The following KIAA0513 variants were observed in gnomAD, a reference collection of about 807,000 sequenced individuals.
The protein encoded by KIAA0513 is uncharacterized protein KIAA0513.
Under a neutral mutation model 56.5 loss-of-function variants are expected in KIAA0513, and 39 were observed. That is an observed-to-expected ratio of 0.69 (90% CI 0.53 to 0.90). The LOEUF (loss-of-function observed/expected upper bound fraction) is 0.90, where lower values mean the gene tolerates loss of function less well. Ranked by LOEUF, KIAA0513 falls within the 40% of genes least tolerant of loss-of-function variation. KIAA0513 has a pLI of 0.00. For missense variants in KIAA0513, 591 were observed against 535.2 expected (o/e 1.10, Z -1.03); for synonymous variants, 268 against 215.6 (o/e 1.24, Z -2.13).
Position 85,081,073 on chromosome 16 carries a change from C to A in KIAA0513, c.903-242C>A, listed in dbSNP as rs968688331. 6.6e-6 allele frequency among the ~76,000 whole-genome samples: 1 copy of A among 152,246 alleles called. No individual in the cohort carries two copies. Among genetic ancestry groups the A allele is most frequent in the African/African-American group, 2.4e-5 (1 of 41,464 alleles). On this transcript the variant is annotated intron_variant, in intron 8 of 12. Coordinates refer to ENST00000683363, the MANE Select transcript of KIAA0513 (RefSeq NM_001388359.1). The surrounding 1 kb of genome is among the most constrained non-coding windows in gnomAD (Gnocchi z 4.4). ...TGCAGCGCAGCCCGGGTTATCATAG[C>A]TTTCCCTCCCACTTGCGCCATCTCT...
At chr16:85,078,135 C>T (rs1210001508) in intron 6 of KIAA0513, among the ~76,000 whole-genome samples, 2 of 152,184 alleles carry the variant, frequency 1.3e-5, no homozygotes, top group Non-Finnish European at 2.9e-5. Context: ...GTCCCCTGTT[C>T]CCACTCATGG....
At chr16:85,057,494 C>G (rs1188763254) in intron 1 of KIAA0513, among the ~76,000 whole-genome samples, 2 of 152,228 alleles carry the variant, frequency 1.3e-5, no homozygotes, top group African/African-American at 4.8e-5. Flanking sequence ...GATGCAGCCC[C>G]TTTGGGTGGA....
intron 1 of KIAA0513, among the ~76,000 whole-genome samples, chr16:85,043,493 C>T (rs2073130451): frequency 6.7e-6 from 1 of 149,140 alleles, no homozygotes; most frequent in Non-Finnish European, 1.5e-5. Flanking sequence ...CTCACTGCAA[C>T]CTCTGCCTCC....
intron 2 of KIAA0513, 104 bp downstream of exon 2, chr16:85,067,504 C>G: frequency 1.1e-6 from 1 of 888,010 alleles, no homozygotes; most frequent in Non-Finnish European, 1.7e-6. Flanking sequence ...CACCTGGGAC[C>G]AGAGCTTCCA....
rs762593013 is a variant in KIAA0513, at chr16:85,077,536, G to A, written c.686G>A (p.Arg229Gln). The A allele has an allele frequency of 1.5e-5, 25 of 1,614,060 alleles. No homozygotes were observed. Among genetic ancestry groups the A allele is most frequent in the South Asian group, 8.8e-5 (8 of 91,094 alleles). ...WLAEKKDIAE[R>Q]LLKNTSARTE... ...GCCGAAAAGAAGGACATCGCCGAGC[G>A]GCTGCTGAAGAACACCTCGGCCAGG... Residue 229 changes from arginine to glutamine, a missense_variant, in exon 6 of 13, where the codon CGG becomes CAG. By Grantham distance (43) the Arg-to-Gln change is conservative. Transcript: ENST00000683363.
intron 4 of KIAA0513, among the ~76,000 whole-genome samples, chr16:85,073,361 A>G (rs1017356780): frequency 1.3e-5 from 2 of 151,840 alleles, no homozygotes; most frequent in African/African-American, 4.8e-5. Flanking sequence ...TCAACCACCC[A>G]CCCCACTAGC....
chr16:85,081,202 T>C lies in KIAA0513; in HGVS notation c.903-113T>C. 1.1e-6 allele frequency: 1 copy of C among 945,484 alleles called. No homozygotes were observed. The highest frequency in any genetic ancestry group is 2.4e-5 in the East Asian group (1 of 41,212). 58.6% of individuals were successfully genotyped at this position (945,484 alleles called of 1,614,324 possible). ...TCAGCCCTACCTCTCTGAGACTTCT[T>C]AGAAGCTCAGACAGATGTGAGACAC... On this transcript the variant is annotated intron_variant, in intron 8 of 12. Coordinates refer to ENST00000683363, the MANE Select transcript of KIAA0513 (RefSeq NM_001388359.1). The surrounding 1 kb of genome is among the most constrained non-coding windows in gnomAD (Gnocchi z 4.4).
intron 10 of KIAA0513, among the ~76,000 whole-genome samples, chr16:85,083,397 A>G (rs3794682): frequency 0.57 from 85,955 of 152,070 alleles, 24,875 homozygotes; most frequent in African/African-American, 0.69. Context: ...GTTTATTGTC[A>G]TGAGCAATCG....
At chr16:85,038,257 T>C (rs931989192) in intron 1 of KIAA0513, among the ~76,000 whole-genome samples, 5 of 152,334 alleles carry the variant, frequency 3.3e-5, no homozygotes, top group East Asian at 1.9e-4. Context: ...CTCTGGATCA[T>C]AGTGACCTCC....
chr16:85,078,361 T>A, intron 6 of KIAA0513, 54 bp from the exon 7 acceptor site: 1 of 1,582,294 alleles, frequency 6.3e-7, no homozygotes, highest in South Asian at 1.1e-5. Context: ...GTCTTTGAGT[T>A]GAGAAAGTGT....
intron 7 of KIAA0513, 143 bp downstream of exon 7, chr16:85,078,598 G>T: frequency 1.3e-6 from 1 of 763,456 alleles, no homozygotes; most frequent in Non-Finnish European, 2.1e-6. Flanking sequence ...TTGCTTCCCA[G>T]CTCCCGTGGT....
At chr16:85,078,715 A>C (rs1306209346) in intron 7 of KIAA0513, among the ~76,000 whole-genome samples, 1 of 152,224 alleles carries the variant, frequency 6.6e-6, no homozygotes, top group Non-Finnish European at 1.5e-5. Context: ...TGGCCATGCT[A>C]CGGAACCATC....
intron 1 of KIAA0513, among the ~76,000 whole-genome samples, chr16:85,039,554 T>C (rs1371611299): frequency 6.6e-6 from 1 of 152,238 alleles, no homozygotes; most frequent in Non-Finnish European, 1.5e-5. Flanking sequence ...TACTCCCACC[T>C]CAGCCTCCTG....
rs371047411 is a variant in KIAA0513 at position 85,067,081 on chromosome 16, C to T, written c.10C>T (p.Pro4Ser). MET[P>S]EVPVGSLIDF... is the part of the protein sequence containing the mutation. ...GCAGCTCCCCTGAGCCATGGAGACC[C>T]CAGAGGTCCCCGTGGGCTCGCTAAT... Residue 4 changes from proline (P) to serine (S), a missense_variant, in exon 2 of 13, where the codon CCA becomes TCA. Transcript: ENST00000683363. 4 of 1,578,142 alleles carry T rather than the reference C, an allele frequency of 2.5e-6. No individual in the cohort carries two copies. In the African/African-American group the frequency reaches 4.0e-5, roughly 16 times the overall value.
chr16:85,075,096 G>C, intron 4 of KIAA0513, among the ~76,000 whole-genome samples: 1 of 149,326 alleles, frequency 6.7e-6, no homozygotes. Context: ...GGATTTTTTA[G>C]TTTTATAATC....
At chr16:85,068,479 C>G (rs972760640) in intron 2 of KIAA0513, among the ~76,000 whole-genome samples, 3 of 152,016 alleles carry the variant, frequency 2.0e-5, no homozygotes, top group Non-Finnish European at 4.4e-5. Context: ...ACTACAGGTG[C>G]CCGCCACCAC....
chr16:85,041,841 C>T (rs930609087), intron 1 of KIAA0513, among the ~76,000 whole-genome samples: 1 of 152,136 alleles, frequency 6.6e-6, no homozygotes. Context: ...CTGAGGAAAC[C>T]ACCGCCTGAC....
intron 2 of KIAA0513, among the ~76,000 whole-genome samples, chr16:85,070,553 C>T (rs1174581810): frequency 6.6e-6 from 1 of 152,188 alleles, no homozygotes; most frequent in Non-Finnish European, 1.5e-5. Flanking sequence ...TGGCAGGTGC[C>T]TGTAATCCCT....
intron 1 of KIAA0513, among the ~76,000 whole-genome samples, chr16:85,039,660 A>G (rs1016113523): frequency 6.6e-6 from 1 of 152,008 alleles, no homozygotes; most frequent in Non-Finnish European, 1.5e-5. Context: ...TTTTGTAGCA[A>G]TGGGGTTTCG....
Sources: gnomAD v4.1 joint callset for allele counts (sites outside exome capture counted in the v4.1 genomes callset) on GRCh38, gnomAD v4.1.1 for gene constraint, Gnocchi (gnomAD v3.1) non-coding constraint, MANE v1.5 for transcripts, NCBI Gene and HGNC (gene_info 2026-07-23, HGNC 2026-07-21) for gene names.